Variants in DPF3 observed in about 807,000 individuals in gnomAD.
DPF3 encodes the protein double PHD fingers 3, also known as zinc finger protein DPF3.
A neutral mutation model predicts 56.8 loss-of-function variants in DPF3; 18 were observed. The observed-to-expected ratio is 0.32, with a 90% CI of 0.22 to 0.47. The LOEUF is 0.47. Ranked by LOEUF, DPF3 falls within the 20% of genes least tolerant of loss-of-function variation. The pLI is 1.00. For synonymous variants in DPF3, 188 were observed against 180.2 expected (o/e 1.04, Z -0.35); for missense variants, 403 against 488.8 (o/e 0.82, Z 1.65).
intron 1 of DPF3, among the ~76,000 whole-genome samples, chr14:72,848,156 A>AT (rs895094224): frequency 1.3e-5 from 2 of 151,694 alleles, no homozygotes; most frequent in East Asian, 1.9e-4. Context: ...AGCTTTTTTA[A>AT]TTTTTTTTAT....
chr14:72,809,545 T>G (rs1455251747), intron 1 of DPF3, among the ~76,000 whole-genome samples: 3 of 152,198 alleles, frequency 2.0e-5, no homozygotes, highest in Non-Finnish European at 4.4e-5. Context: ...AGGAAAGAAG[T>G]GCATGGGGAG....
At chr14:72,766,513 G>A (rs114550860) in intron 2 of DPF3, among the ~76,000 whole-genome samples, 1,685 of 152,280 alleles carry the variant, frequency 0.011, 31 homozygotes, top group African/African-American at 0.038. Context: ...GTGCAATGGC[G>A]CAATCCTGGC....
At chr14:72,851,840 C>A (rs1436891736) in intron 1 of DPF3, among the ~76,000 whole-genome samples, 2 of 152,212 alleles carry the variant, frequency 1.3e-5, no homozygotes, top group Non-Finnish European at 2.9e-5. Flanking sequence ...CCCAGAAAGG[C>A]GGCCAATGGG....
chr14:72,816,452 T>C (rs553882748), intron 1 of DPF3, among the ~76,000 whole-genome samples: 22 of 152,290 alleles, frequency 1.4e-4, no homozygotes, highest in Non-Finnish European at 3.1e-4. Flanking sequence ...TACTTTCTTA[T>C]ACAGCAAGTG....
chr14:72,788,840 G>A (rs1892317011), intron 1 of DPF3, among the ~76,000 whole-genome samples: 1 of 152,230 alleles, frequency 6.6e-6, no homozygotes, highest in Non-Finnish European at 1.5e-5. Flanking sequence ...GTTGAGGCCA[G>A]GCCTGAGGAA....
At chr14:72,856,720 C>T (rs1885181400) in intron 1 of DPF3, among the ~76,000 whole-genome samples, 1 of 152,218 alleles carries the variant, frequency 6.6e-6, no homozygotes, top group South Asian at 2.1e-4. Context: ...AGTAGTTAAG[C>T]CAACCCAAAT....
At chr14:72,860,361 T>A (rs1013211128) in intron 1 of DPF3, among the ~76,000 whole-genome samples, 13 of 152,042 alleles carry the variant, frequency 8.6e-5, no homozygotes, top group Admixed American at 7.2e-4. Flanking sequence ...TTTGTTTTAC[T>A]TTTTGTAGAG....
intron 3 of DPF3, among the ~76,000 whole-genome samples, chr14:72,752,257 G>A (rs1890609803): frequency 6.6e-6 from 1 of 152,174 alleles, no homozygotes; most frequent in African/African-American, 2.4e-5. Context: ...ATCCCAGCCT[G>A]GCACCCTCAA....
chr14:72,740,937 C>T (rs1890099760), intron 3 of DPF3, among the ~76,000 whole-genome samples: 1 of 152,132 alleles, frequency 6.6e-6, no homozygotes, highest in South Asian at 2.1e-4. Context: ...CATGGTGGCG[C>T]ATGCCTGAAT....
intron 8 of DPF3, among the ~76,000 whole-genome samples, chr14:72,651,801 G>A (rs942705500): frequency 7.2e-5 from 11 of 152,194 alleles, no homozygotes; most frequent in African/African-American, 2.4e-4. Context: ...CAGCCACGTC[G>A]TGGTAGGGTC....
intron 3 of DPF3, among the ~76,000 whole-genome samples, 185 bp downstream of exon 3, chr14:72,753,079 G>A (rs1035880358): frequency 6.6e-6 from 1 of 152,178 alleles, no homozygotes; most frequent in Non-Finnish European, 1.5e-5. Context: ...AAGCTCAGGT[G>A]GACACGTGGT....
At chr14:72,853,275 G>A (rs1469666353) in intron 1 of DPF3, 1 of 151,542 alleles carries the variant, frequency 6.6e-6, no homozygotes, top group African/African-American at 2.4e-5. Context: ...AGAACAAGGA[G>A]TTCAATCTGT....
At chr14:72,723,987 A>G (rs1286116658) in intron 4 of DPF3, 1 of 347,918 alleles carries the variant, frequency 2.9e-6, no homozygotes, top group Non-Finnish European at 5.1e-6. Context: ...TTTTTGCCCA[A>G]GAAGAGTTTT....
At chr14:72,730,679 T>C (rs544006195) in intron 4 of DPF3, among the ~76,000 whole-genome samples, 1 of 151,618 alleles carries the variant, frequency 6.6e-6, no homozygotes, top group African/African-American at 2.4e-5. Context: ...GAATATTAAA[T>C]ATGCACAATA....
chr14:72,678,445 T>C (rs1443912704), intron 7 of DPF3, among the ~76,000 whole-genome samples: 1 of 152,254 alleles, frequency 6.6e-6, no homozygotes, highest in African/African-American at 2.4e-5. Context: ...TGGGTGATCC[T>C]GTTTATTGTC....
chr14:72,702,736 G>A (rs574897336), intron 6 of DPF3, among the ~76,000 whole-genome samples: 55 of 152,250 alleles, frequency 3.6e-4, no homozygotes, highest in African/African-American at 1.1e-3. Context: ...AACTCAGATC[G>A]GGATAAAGCC....
Position 72,812,492 on chromosome 14 carries a change from G to A in DPF3, c.33-40599C>T, listed in dbSNP as rs140415077. Among the ~76,000 whole-genome samples, 480 of 152,240 alleles carry A rather than the reference G, an allele frequency of 3.2e-3. 3 individuals carry two copies. Among genetic ancestry groups the A allele is most frequent in the African/African-American group, 0.011 (452 of 41,542 alleles). ...TGGAGGCAACATCCTCGGCAAGTCT[G>A]GGAAGGAGGTGGAGGCAGGGAGGCA... On this transcript the variant is annotated intron_variant, in intron 1 of 10. Transcript: ENST00000556509.
chr14:72,724,711 G>GT (rs3058941), intron 4 of DPF3, among the ~76,000 whole-genome samples: 60,118 of 142,114 alleles, frequency 0.42, 13,015 homozygotes, highest in African/African-American at 0.53. Context: ...GTTTTTGTTT[G>GT]TTTTTTTTTT....
chr14:72,649,708 C>T (rs905982024), intron 8 of DPF3, among the ~76,000 whole-genome samples: 8 of 151,104 alleles, frequency 5.3e-5, no homozygotes, highest in African/African-American at 1.5e-4. Context: ...CTTTATGAGG[C>T]GCTTCCTATG....
Sources: gnomAD v4.1 joint callset for allele counts (sites outside exome capture counted in the v4.1 genomes callset) on GRCh38, gnomAD v4.1.1 for gene constraint, MANE v1.5 for transcripts, NCBI Gene and HGNC (gene_info 2026-07-23, HGNC 2026-07-21) for gene names.